The following NBEA variants were observed in gnomAD, a reference collection of about 807,000 sequenced individuals.
NBEA encodes the protein neurobeachin.
Under a neutral mutation model 343.4 loss-of-function variants are expected in NBEA, and 44 were observed. The observed-to-expected ratio is 0.13, with a 90% CI of 0.10 to 0.16. The LOEUF (loss-of-function observed/expected upper bound fraction) is 0.16, where lower values mean the gene tolerates loss of function less well. NBEA is among the 10% of genes least tolerant of loss of function. The pLI is 1.00. For missense variants in NBEA, 2,555 were observed against 3,631.3 expected (o/e 0.70, Z 7.62); for synonymous variants, 1,175 against 1,238.7 (o/e 0.95, Z 1.08).
intron 38 of NBEA, among the ~76,000 whole-genome samples, chr13:35,391,064 CA>C (rs1370478054): frequency 1.3e-5 from 2 of 152,040 alleles, no homozygotes; most frequent in Non-Finnish European, 2.9e-5. Context: ...CACTTGAGGT[CA>C]AAAGTTCAAG....
chr13:35,569,007 G>C (rs977722560), intron 45 of NBEA, among the ~76,000 whole-genome samples: 1 of 152,178 alleles, frequency 6.6e-6, no homozygotes, highest in Admixed American at 6.5e-5. Flanking sequence ...GGGTTGTTGT[G>C]TGGAGTGGTG....
rs77926758 is a variant in NBEA, at chr13:35,135,755, C to G, written c.2337-6514C>G. Among the ~76,000 whole-genome samples, 3 of 151,652 alleles carry G rather than the reference C, an allele frequency of 2.0e-5. No individual in the cohort carries two copies. The East Asian group carries it at 5.8e-4, about 29-fold the overall frequency. ...TAGAATAGAAAGCACAGAAACACAT[C>G]CTGATATACGTGTATATCTATATAT... is the stretch of plus-strand genomic sequence containing the variant. On this transcript the variant is annotated intron_variant, in intron 17 of 58. Transcript: ENST00000379939.
chr13:35,582,679 A>G (rs1348362388), intron 45 of NBEA, among the ~76,000 whole-genome samples: 2 of 152,194 alleles, frequency 1.3e-5, no homozygotes, highest in African/African-American at 4.8e-5. Flanking sequence ...AAAGTTAACA[A>G]AAAATGAACA....
chr13:35,600,576 T>A (rs953531933), intron 47 of NBEA, among the ~76,000 whole-genome samples: 3 of 152,214 alleles, frequency 2.0e-5, no homozygotes, highest in African/African-American at 7.2e-5. Flanking sequence ...GCTTCTAGAA[T>A]ATATTTTATA....
chr13:34,968,349 T>C (rs890221106), intron 1 of NBEA, among the ~76,000 whole-genome samples: 2 of 152,158 alleles, frequency 1.3e-5, no homozygotes, highest in Non-Finnish European at 2.9e-5. Flanking sequence ...TGCTTAGTTT[T>C]TTTTGACTTG....
intron 35 of NBEA, among the ~76,000 whole-genome samples, chr13:35,306,140 A>AT (rs1418640167): frequency 2.0e-5 from 3 of 152,122 alleles, no homozygotes; most frequent in African/African-American, 7.2e-5. Context: ...GAGAAGTCTA[A>AT]TCTCATTCAG....
chr13:35,074,123 C>G (rs956839465), intron 10 of NBEA, among the ~76,000 whole-genome samples: 1 of 152,136 alleles, frequency 6.6e-6, no homozygotes, highest in Non-Finnish European at 1.5e-5. Context: ...GTATTTATTA[C>G]TAGTACAACT....
At chr13:35,303,194 A>G (rs1676232689) in intron 35 of NBEA, among the ~76,000 whole-genome samples, 1 of 152,104 alleles carries the variant, frequency 6.6e-6, no homozygotes, top group South Asian at 2.1e-4. Flanking sequence ...TTCATGGAAA[A>G]TGAGAACCCA....
intron 26 of NBEA, among the ~76,000 whole-genome samples, chr13:35,172,534 T>C (rs1224161002): frequency 6.6e-6 from 1 of 152,074 alleles, no homozygotes; most frequent in Admixed American, 6.6e-5. Context: ...TATTTTTAAA[T>C]ATAGTCCAAG....
At chr13:35,655,939 C>T (rs2084793170) in intron 55 of NBEA, among the ~76,000 whole-genome samples, 190 bp downstream of exon 55, 1 of 152,150 alleles carries the variant, frequency 6.6e-6, no homozygotes, top group Non-Finnish European at 1.5e-5. Flanking sequence ...TCACCTACAA[C>T]ATGGAGAGAC....
At chr13:35,236,094 C>G (rs2075213661) in intron 34 of NBEA, among the ~76,000 whole-genome samples, 1 of 152,166 alleles carries the variant, frequency 6.6e-6, no homozygotes. Context: ...AAAATGATGA[C>G]AGCAAATGGT....
chr13:35,595,425 C>G (rs1593318324), intron 47 of NBEA, among the ~76,000 whole-genome samples: 1 of 152,068 alleles, frequency 6.6e-6, no homozygotes, highest in African/African-American at 2.4e-5. Flanking sequence ...TCATTTTCAG[C>G]TCTCTTACCA....
intron 49 of NBEA, among the ~76,000 whole-genome samples, chr13:35,634,026 C>T (rs149138451): frequency 6.6e-6 from 1 of 152,074 alleles, no homozygotes; most frequent in African/African-American, 2.4e-5. Context: ...CATTTATATC[C>T]TTTATTATCC....
intron 1 of NBEA, among the ~76,000 whole-genome samples, chr13:35,019,224 G>T (rs889479814): frequency 6.6e-6 from 1 of 150,746 alleles, no homozygotes; most frequent in African/African-American, 2.4e-5. Context: ...CTTTGAAATG[G>T]TTTTCTGATT....
At chr13:35,208,887 CT>C in intron 32 of NBEA, 33 bp downstream of exon 32, 1 of 1,404,816 alleles carries the variant, frequency 7.1e-7, no homozygotes, top group Non-Finnish European at 9.5e-7. Flanking sequence ...TGATACTCAT[CT>C]TTTTATGTTT....
intron 41 of NBEA, among the ~76,000 whole-genome samples, chr13:35,491,474 A>C (rs537796735): frequency 1.3e-5 from 2 of 151,830 alleles, no homozygotes; most frequent in Non-Finnish European, 2.9e-5. Context: ...TCCATCAGTC[A>C]TCTGTACCTC....
intron 36 of NBEA, among the ~76,000 whole-genome samples, chr13:35,343,234 C>A (rs2152858326): frequency 6.6e-6 from 1 of 151,850 alleles, no homozygotes; most frequent in East Asian, 1.9e-4. Flanking sequence ...AAATAAATAA[C>A]CTCAAAATGT....
At chr13:35,606,686 C>T in intron 48 of NBEA, 108 bp downstream of exon 48, 1 of 839,344 alleles carries the variant, frequency 1.2e-6, no homozygotes, top group East Asian at 3.2e-5. Flanking sequence ...TACTTAACAT[C>T]TATAAATACA....
intron 1 of NBEA, among the ~76,000 whole-genome samples, chr13:35,014,165 G>A (rs1287617712): frequency 1.3e-5 from 2 of 152,018 alleles, no homozygotes; most frequent in African/African-American, 4.8e-5. Flanking sequence ...ATCTCAAGCA[G>A]GTTCTGTGAA....
Sources: gnomAD v4.1 joint callset for allele counts (sites outside exome capture counted in the v4.1 genomes callset) on GRCh38, gnomAD v4.1.1 for gene constraint, MANE v1.5 for transcripts, NCBI Gene and HGNC (gene_info 2026-07-23, HGNC 2026-07-21) for gene names.